Variants in INPP4A observed in about 807,000 individuals in gnomAD.
INPP4A encodes the protein inositol polyphosphate-4-phosphatase type I A.
A neutral mutation model predicts 119.8 loss-of-function variants in INPP4A; 33 were observed. The ratio of observed to expected loss-of-function variants is 0.28; its 90% confidence interval spans 0.21 to 0.37. The LOEUF (loss-of-function observed/expected upper bound fraction) is 0.37, where lower values mean the gene tolerates loss of function less well. Among genes scored for constraint, INPP4A ranks in the 10% least tolerant of loss-of-function variants. The pLI is 1.00. For missense variants in INPP4A, 956 were observed against 1,289.9 expected (o/e 0.74, Z 3.97); for synonymous variants, 496 against 500.7 (o/e 0.99, Z 0.12).
At chr2:98,485,725 T>C (rs1679412650) in intron 1 of INPP4A, among the ~76,000 whole-genome samples, 6 of 152,256 alleles carry the variant, frequency 3.9e-5, no homozygotes, top group African/African-American at 1.4e-4. Flanking sequence ...GGAACTTTTT[T>C]GATTCATCAC....
chr2:98,519,991 C>T lies in INPP4A; in HGVS notation c.-58C>T, dbSNP rs752509754. On this transcript the variant is annotated 5_prime_UTR_variant, in exon 3 of 25. Coordinates refer to ENST00000409851, the MANE Select transcript of INPP4A (RefSeq NM_001134225.2). Reference sequence around the variant, plus strand: ...ACTAGGGCTCGGTGCCAGCACTTCCCGGGTAATCAGGCGTGGTCTGACCGA... The same window carrying T: ...ACTAGGGCTCGGTGCCAGCACTTCCTGGGTAATCAGGCGTGGTCTGACCGA... 65 of 1,416,540 alleles carry T rather than the reference C, an allele frequency of 4.6e-5. No individual in the cohort carries two copies. The highest frequency in any genetic ancestry group is 2.8e-4 in the South Asian group (23 of 81,196). The allele number at this position is 1,416,540 out of a possible 1,614,324, so 87.7% of individuals were successfully genotyped here. A position where few individuals can be genotyped will look rare whatever the true frequency, so the allele number is the denominator to read the frequency against.
In INPP4A at chr2:98,445,016, G is replaced by T. The variant is rs1409886352; in HGVS notation, c.-235G>T. The stretch of plus-strand genomic sequence containing the variant: ...ACAGCCAGGCGGCGGCGCTGCTGCT[G>T]CTGCGGGGCTCTGGCGCGCAGCCCG... On this transcript the variant is annotated 5_prime_UTR_variant, in exon 1 of 25. Transcript: ENST00000409851. 6.7e-6 allele frequency: 1 copy of T among 149,808 alleles called. No individual in the cohort carries two copies. Among genetic ancestry groups the T allele is most frequent in the South Asian group, 1.9e-4 (1 of 5,130 alleles). The allele number at this position is 149,808 out of a possible 1,614,324, so 9.3% of individuals were successfully genotyped here. A position where few individuals can be genotyped will look rare whatever the true frequency, so the allele number is the denominator to read the frequency against.
At chr2:98,539,779 G>A (rs184626704) in intron 10 of INPP4A, 104 bp downstream of exon 10, 20 of 1,144,048 alleles carry the variant, frequency 1.7e-5, no homozygotes, top group Middle Eastern at 2.3e-4. Flanking sequence ...AGACTGGACT[G>A]CAAACACAGC....
intron 1 of INPP4A, among the ~76,000 whole-genome samples, chr2:98,469,926 C>G (rs1232020014): frequency 5.3e-5 from 8 of 152,230 alleles, no homozygotes; most frequent in Non-Finnish European, 1.5e-5. Flanking sequence ...TCCCCTCCTT[C>G]TCTCAGGCTG....
At position 98,536,157 on chromosome 2, in the gene INPP4A, T is replaced by C. The variant is rs1260083824; in HGVS notation, c.416T>C (p.Ile139Thr). Reference protein sequence around the residue: ...TMYLLGSGTFIVKDLLQDRHH... With the variant: ...TMYLLGSGTFTVKDLLQDRHH... Reference sequence around the variant, plus strand: ...TATTTACTGGGCTCTGGAACGTTCATTGTCAAAGATCTGCTCCAGGACAGG... The same window carrying C: ...TATTTACTGGGCTCTGGAACGTTCACTGTCAAAGATCTGCTCCAGGACAGG... The change falls in exon 7 of 25, where the codon ATT becomes ACT. Residue 139 changes from isoleucine to threonine, a missense_variant. Ile to Thr is a moderately conservative substitution (Grantham distance 89). Transcript: ENST00000409851. 1 of 1,612,130 alleles carries C rather than the reference T, an allele frequency of 6.2e-7. No individual in the cohort carries two copies. Among genetic ancestry groups the C allele is most frequent in the Non-Finnish European group, 8.5e-7 (1 of 1,178,288 alleles).
intron 1 of INPP4A, among the ~76,000 whole-genome samples, chr2:98,500,341 A>G (rs1682873254): frequency 6.6e-6 from 1 of 152,158 alleles, no homozygotes; most frequent in South Asian, 2.1e-4. Flanking sequence ...GAGGGGGGAA[A>G]ATAGGGAGGA....
chr2:98,506,467 C>T (rs1684061297), intron 1 of INPP4A, among the ~76,000 whole-genome samples: 1 of 152,234 alleles, frequency 6.6e-6, no homozygotes, highest in South Asian at 2.1e-4. Flanking sequence ...ATGTGGGCAG[C>T]ATTTGCAAGC....
chr2:98,552,645 A>G (rs755073738), intron 13 of INPP4A, 141 bp from the exon 14 acceptor site: 2 of 778,712 alleles, frequency 2.6e-6, no homozygotes, highest in Non-Finnish European at 4.7e-6. Flanking sequence ...TTTGCTCATC[A>G]ACAACTAGAG....
rs1449548833 is a variant in INPP4A at position 98,539,083 on chromosome 2, C to T, written c.670+102C>T. ...ACCTGCTGCGATTGTCCCAGCCATG[C>T]ACCCTAATTGTCACCTCTCTGCTGC... On this transcript the variant is annotated intron_variant, in intron 9 of 24. Transcript: ENST00000409851. 7 of 631,954 alleles carry T rather than the reference C, an allele frequency of 1.1e-5. No individual in the cohort carries two copies. The Admixed American group carries it at 1.4e-4, about 13-fold the overall frequency. 39.1% of individuals were successfully genotyped at this position (631,954 alleles called of 1,614,324 possible).
chr2:98,481,907 TC>T (rs1678544913), intron 1 of INPP4A, among the ~76,000 whole-genome samples: 2 of 152,224 alleles, frequency 1.3e-5, no homozygotes, highest in Admixed American at 1.3e-4. Flanking sequence ...CCTCTCCTTC[TC>T]CCTTCATTAC....
intron 16 of INPP4A, among the ~76,000 whole-genome samples, chr2:98,558,193 T>C (rs1169183280): frequency 6.6e-6 from 1 of 152,208 alleles, no homozygotes; most frequent in Non-Finnish European, 1.5e-5. Context: ...GTTTAATCCC[T>C]GATGCCTTCA....
chr2:98,567,688 T>C (rs1015865709), intron 21 of INPP4A, among the ~76,000 whole-genome samples: 6 of 152,130 alleles, frequency 3.9e-5, no homozygotes, highest in Admixed American at 3.3e-4. Flanking sequence ...TGACTTTGTT[T>C]CTTTATTGGC....
chr2:98,585,293 G>A (rs1172827555), intron 24 of INPP4A, among the ~76,000 whole-genome samples: 4 of 152,176 alleles, frequency 2.6e-5, no homozygotes, highest in Non-Finnish European at 4.4e-5. Context: ...AGACCCCACT[G>A]GAACCGGAAA....
chr2:98,563,582 C>T lies in INPP4A; in HGVS notation c.1973C>T (p.Thr658Ile). The change falls in exon 18 of 25, where the codon ACC (threonine) becomes ATC (isoleucine). Residue 658 changes from threonine (T) to isoleucine (I), a missense_variant. Thr to Ile is a moderately conservative substitution (Grantham distance 89). Coordinates refer to ENST00000409851, the MANE Select transcript of INPP4A (RefSeq NM_001134225.2). ...CTGCTCATGCAGGACAGCGCGCCCA[C>T]CATAGCCACCTACCTGAGCCTGCAG... ...VFLLMQDSAP[T>I]IATYLSLQYR... is the part of the protein sequence containing the mutation. The T allele has an allele frequency of 6.2e-7, 1 of 1,613,678 alleles. No individual in the cohort carries two copies. Among genetic ancestry groups the T allele is most frequent in the Non-Finnish European group, 8.5e-7 (1 of 1,179,882 alleles).
At chr2:98,472,142 C>T (rs1027538526) in intron 1 of INPP4A, among the ~76,000 whole-genome samples, 6 of 152,206 alleles carry the variant, frequency 3.9e-5, no homozygotes, top group Non-Finnish European at 7.3e-5. Flanking sequence ...TTCTGCCTGC[C>T]GTGGAGCAGA....
chr2:98,522,567 T>C (rs1162030929), intron 4 of INPP4A, among the ~76,000 whole-genome samples: 1 of 151,940 alleles, frequency 6.6e-6, no homozygotes, highest in African/African-American at 2.4e-5. Context: ...GAAGGTCCGA[T>C]ATTTAGAAGA....
rs1696430565 is a variant in INPP4A at position 98,566,301 on chromosome 2, C to G, written c.2420+132C>G. The stretch of plus-strand genomic sequence containing the variant: ...CCTTCCTTCCTTTGGCCAACATTTT[C>G]ATCATGGCCGTGCACCTCACTGTCT... On this transcript the variant is annotated intron_variant, in intron 21 of 24. Coordinates refer to ENST00000409851, the MANE Select transcript of INPP4A (RefSeq NM_001134225.2). The surrounding 1 kb of genome is among the most constrained non-coding windows in gnomAD (Gnocchi z 4.2). The G allele has an allele frequency of 9.9e-7, 1 of 1,011,342 alleles. No individual in the cohort carries two copies. The highest frequency in any genetic ancestry group is 1.4e-6 in the Non-Finnish European group (1 of 719,624). 62.6% of individuals were successfully genotyped at this position (1,011,342 alleles called of 1,614,324 possible).
At chr2:98,485,632 C>T (rs1288751448) in intron 1 of INPP4A, among the ~76,000 whole-genome samples, 3 of 152,044 alleles carry the variant, frequency 2.0e-5, no homozygotes, top group African/African-American at 7.2e-5. Context: ...GAGAACCCAG[C>T]TGAGAGTTCC....
At position 98,566,853 on chromosome 2, in the gene INPP4A, C is replaced by G. The variant is rs1465896366; in HGVS notation, c.2420+684C>G. On this transcript the variant is annotated intron_variant, in intron 21 of 24. Transcript: ENST00000409851. The surrounding 1 kb of genome is among the most constrained non-coding windows in gnomAD (Gnocchi z 4.2). ...CTTCCACTAGTACATGAGAATGATT[C>G]CTGTGTTGTCATTTATCTTCATGTG... Among the ~76,000 whole-genome samples, 1 of 152,138 alleles carries G rather than the reference C, an allele frequency of 6.6e-6. No individual in the cohort carries two copies. Among genetic ancestry groups the G allele is most frequent in the African/African-American group, 2.4e-5 (1 of 41,416 alleles).
Sources: allele counts gnomAD v4.1 joint callset (sites outside exome capture counted in the v4.1 genomes callset), GRCh38; gene constraint gnomAD v4.1.1; non-coding constraint Gnocchi (gnomAD v3.1); transcripts MANE v1.5; gene names NCBI Gene and HGNC (gene_info 2026-07-23, HGNC 2026-07-21).